The following ANKRD16 variants were observed in gnomAD, a reference collection of about 807,000 sequenced individuals.
ANKRD16 encodes ankyrin repeat domain 16.
A neutral mutation model predicts 37.9 loss-of-function variants in ANKRD16; 35 were observed. That is an observed-to-expected ratio of 0.92 (90% CI 0.71 to 1.23). The LOEUF is 1.23. Among genes scored for constraint, ANKRD16 ranks in the 50% most tolerant of loss-of-function variants. The pLI is 0.00. For synonymous variants in ANKRD16, 206 were observed against 197.2 expected (o/e 1.04, Z -0.37); for missense variants, 480 against 469.9 (o/e 1.02, Z -0.20).
chr10:5,864,345 A>C lies in ANKRD16; in HGVS notation c.*34-1654T>G, dbSNP rs1841985671. Among the ~76,000 whole-genome samples, 1 of 151,288 alleles carries C rather than the reference A, an allele frequency of 6.6e-6. No individual in the cohort carries two copies. The highest frequency in any genetic ancestry group is 2.4e-5 in the African/African-American group (1 of 41,048). ...TCCAAGGGACCACAACCTCCCCCCC[A>C]CCCCTGCTATCGGTTATGTCCTTTT... is the stretch of plus-strand genomic sequence containing the variant. On this transcript the variant is annotated intron_variant, in intron 7 of 7. Transcript: ENST00000380094. This position sits in a 1 kb window ranked among gnomAD's most constrained non-coding sequence, Gnocchi z 4.4.
At chr10:5,877,966 T>A in intron 7 of ANKRD16, 131 bp downstream of exon 7, 1 of 972,998 alleles carries the variant, frequency 1.0e-6, no homozygotes, top group Non-Finnish European at 1.5e-6. Flanking sequence ...AGCCCCCTGA[T>A]CACTGGGAAC....
chr10:5,888,453 T>C (rs549604208), intron 1 of ANKRD16, among the ~76,000 whole-genome samples: 29 of 152,332 alleles, frequency 1.9e-4, no homozygotes, highest in Admixed American at 1.9e-3. Context: ...CTAAAGATGT[T>C]CACGCCCTCT....
intron 7 of ANKRD16, among the ~76,000 whole-genome samples, chr10:5,872,596 G>C (rs577251948): frequency 2.0e-5 from 3 of 151,418 alleles, no homozygotes; most frequent in Admixed American, 6.6e-5. Flanking sequence ...TCACTCTGTT[G>C]CCCAGGCTGG....
chr10:5,862,270 T>C lies in ANKRD16; in HGVS notation c.*455A>G. The C allele has an allele frequency of 1.1e-5, 4 of 367,490 alleles. No homozygotes were observed. The highest frequency in any genetic ancestry group is 6.3e-5 in the South Asian group (3 of 47,816). 22.8% of individuals were successfully genotyped at this position (367,490 alleles called of 1,614,324 possible). On this transcript the variant is annotated 3_prime_UTR_variant, in exon 8 of 8. Coordinates refer to ENST00000380094, the MANE Select transcript of ANKRD16 (RefSeq NM_019046.3). The surrounding 1 kb of genome is among the most constrained non-coding windows in gnomAD (Gnocchi z 6.5). ...GACTGCTGCTGCATCTGTTAGGCAA[T>C]GTTGACAATCTCATCAGAAGTGGTG... is the stretch of plus-strand genomic sequence containing the variant.
rs183765907 is a variant in ANKRD16, at chr10:5,889,460, C to T, written c.-106G>A. The T allele has an allele frequency of 2.5e-3, 2,053 of 836,444 alleles. 1 individual carries two copies. The highest frequency in any genetic ancestry group is 2.9e-3 in the Non-Finnish European group (1,933 of 657,800). 51.8% of individuals were successfully genotyped at this position (836,444 alleles called of 1,614,324 possible). A position where few individuals can be genotyped will look rare whatever the true frequency, so the allele number is the denominator to read the frequency against. ...GGGACTTTCCGCCTCTTCACGCAAC[C>T]TGCCCCGCGCGCCCCGAACCCGGCA... On this transcript the variant is annotated 5_prime_UTR_variant, in exon 1 of 8. Transcript: ENST00000380094.
At chr10:5,872,118 G>A (rs1462088331) in intron 7 of ANKRD16, among the ~76,000 whole-genome samples, 2 of 152,142 alleles carry the variant, frequency 1.3e-5, no homozygotes, top group African/African-American at 4.8e-5. Flanking sequence ...TAATACGATG[G>A]AGCATAAGAC....
Position 5,863,457 on chromosome 10 carries a change from C to T in ANKRD16, c.*34-766G>A, listed in dbSNP as rs757323720. ...CACTCTGTAAAAATGTACCAATCAG[C>T]GCTCTGTGTCTAGCTAAAGGATTGT... On this transcript the variant is annotated intron_variant, in intron 7 of 7. Transcript: ENST00000380094. This position sits in a 1 kb window ranked among gnomAD's most constrained non-coding sequence, Gnocchi z 4.7. Among the ~76,000 whole-genome samples the T allele has an allele frequency of 6.6e-6, 1 of 152,008 alleles. No individual in the cohort carries two copies. Among genetic ancestry groups the T allele is most frequent in the South Asian group, 2.1e-4 (1 of 4,820 alleles).
rs1193725861 is a variant in ANKRD16 at position 5,866,834 on chromosome 10, A to G, written c.*34-4143T>C. ...ACAAAGGAGTCAAAGAGGGAGACAG[A>G]GAGAGGAAGAGACAGAGAGGCTGAA... On this transcript the variant is annotated intron_variant, in intron 7 of 7. Transcript: ENST00000380094. This position sits in a 1 kb window ranked among gnomAD's most constrained non-coding sequence, Gnocchi z 4.3. Among the ~76,000 whole-genome samples, 1 of 152,112 alleles carries G rather than the reference A, an allele frequency of 6.6e-6. No homozygotes were observed. Among genetic ancestry groups the G allele is most frequent in the Non-Finnish European group, 1.5e-5 (1 of 68,026 alleles).
chr10:5,881,438 T>TTATAAAAAAAA (rs1422263395), intron 5 of ANKRD16, among the ~76,000 whole-genome samples: 1 of 51,026 alleles, frequency 2.0e-5, no homozygotes, highest in African/African-American at 7.4e-5. Context: ...AAAATATTAT[T>TTATAAAAAAAA]TATATATATA....
chr10:5,885,391 C>T (rs1589025685), intron 3 of ANKRD16, among the ~76,000 whole-genome samples: 2 of 152,072 alleles, frequency 1.3e-5, no homozygotes. Flanking sequence ...GCTGTGTTAG[C>T]CAGGATGGTC....
chr10:5,884,642 G>C (rs1456562046), intron 3 of ANKRD16, among the ~76,000 whole-genome samples: 3 of 149,536 alleles, frequency 2.0e-5, no homozygotes, highest in African/African-American at 7.4e-5. Context: ...TGAGGCAGGA[G>C]AATCGCTTGA....
At chr10:5,889,016 G>T in intron 1 of ANKRD16, 25 bp downstream of exon 1, 1 of 1,492,532 alleles carries the variant, frequency 6.7e-7, no homozygotes, top group Non-Finnish European at 8.9e-7. Flanking sequence ...AGGGGAGGCG[G>T]GGTGTCTTTC....
chr10:5,889,455 G>T lies in ANKRD16; in HGVS notation c.-101C>A. The T allele has an allele frequency of 2.3e-6, 2 of 872,734 alleles. No individual in the cohort carries two copies. Among genetic ancestry groups the T allele is most frequent in the South Asian group, 5.6e-5 (1 of 17,792 alleles). 54.1% of individuals were successfully genotyped at this position (872,734 alleles called of 1,614,324 possible). On this transcript the variant is annotated 5_prime_UTR_variant, in exon 1 of 8. Coordinates refer to ENST00000380094, the MANE Select transcript of ANKRD16 (RefSeq NM_019046.3). ...CGAGTGGGACTTTCCGCCTCTTCAC[G>T]CAACCTGCCCCGCGCGCCCCGAACC...
Position 5,878,032 on chromosome 10 carries a change from GA to G in ANKRD16, c.*33+64del. 2 of 1,500,764 alleles carry G rather than the reference GA, an allele frequency of 1.3e-6. No individual in the cohort carries two copies. The highest frequency in any genetic ancestry group is 9.0e-7 in the Non-Finnish European group (1 of 1,110,030). 93.0% of individuals were successfully genotyped at this position (1,500,764 alleles called of 1,614,324 possible). ...GGGAAGGGAGGAAGTGGAGGAGATG[GA>G]AAACTGGCTTCCAACTGGTTTCGCT... On this transcript the variant is annotated intron_variant, in intron 7 of 7. Coordinates refer to ENST00000380094, the MANE Select transcript of ANKRD16 (RefSeq NM_019046.3). The surrounding 1 kb of genome is among the most constrained non-coding windows in gnomAD (Gnocchi z 5.1).
chr10:5,866,251 A>C lies in ANKRD16; in HGVS notation c.*34-3560T>G, dbSNP rs1010667897. Among the ~76,000 whole-genome samples, 4 of 152,194 alleles carry C rather than the reference A, an allele frequency of 2.6e-5. No homozygotes were observed. Among genetic ancestry groups the C allele is most frequent in the Non-Finnish European group, 5.9e-5 (4 of 68,034 alleles). ...CTCCCAGAGGATGGGGAACCGATCG[A>C]GCATGACTGCCAACAAGTTATAGTC... On this transcript the variant is annotated intron_variant, in intron 7 of 7. Transcript: ENST00000380094. This position sits in a 1 kb window ranked among gnomAD's most constrained non-coding sequence, Gnocchi z 4.3.
rs1156608468 is a variant in ANKRD16, at chr10:5,869,115, G to A, written c.*34-6424C>T. Among the ~76,000 whole-genome samples, 1 of 152,066 alleles carries A rather than the reference G, an allele frequency of 6.6e-6. No homozygotes were observed. The highest frequency in any genetic ancestry group is 2.4e-5 in the African/African-American group (1 of 41,386). ...AGCTCATCAGCTATCTTTAGTGATA[G>A]TGTAGTTTATGTGTGGCCCAAGACA... On this transcript the variant is annotated intron_variant, in intron 7 of 7. Transcript: ENST00000380094. The surrounding 1 kb of genome is among the most constrained non-coding windows in gnomAD (Gnocchi z 4.0).
intron 7 of ANKRD16, among the ~76,000 whole-genome samples, chr10:5,875,097 C>T (rs1052202881): frequency 1.3e-5 from 2 of 152,168 alleles, no homozygotes; most frequent in South Asian, 2.1e-4. Flanking sequence ...GCAGCAACAA[C>T]GACGCCAGAC....
chr10:5,862,510 G>C lies in ANKRD16; in HGVS notation c.*215C>G, dbSNP rs1841957839. Reference sequence around the variant, plus strand: ...GACAGACCCAGGGAGCTGACCTTGGGGGCCAGTGCAGATGTGGCACTGACT... The same window carrying C: ...GACAGACCCAGGGAGCTGACCTTGGCGGCCAGTGCAGATGTGGCACTGACT... On this transcript the variant is annotated 3_prime_UTR_variant, in exon 8 of 8. Transcript: ENST00000380094. This position sits in a 1 kb window ranked among gnomAD's most constrained non-coding sequence, Gnocchi z 6.5. 1 of 929,932 alleles carries C rather than the reference G, an allele frequency of 1.1e-6. No individual in the cohort carries two copies. The allele number at this position is 929,932 out of a possible 1,614,324, so 57.6% of individuals were successfully genotyped here. A position where few individuals can be genotyped will look rare whatever the true frequency, so the allele number is the denominator to read the frequency against.
At chr10:5,879,468 C>CAA (rs770354448) in intron 6 of ANKRD16, among the ~76,000 whole-genome samples, 3 of 127,132 alleles carry the variant, frequency 2.4e-5, no homozygotes, top group Non-Finnish European at 3.4e-5. Flanking sequence ...ACTTTGTCTC[C>CAA]AAAAAAAAAA....
Sources: allele counts gnomAD v4.1 joint callset (sites outside exome capture counted in the v4.1 genomes callset), GRCh38; gene constraint gnomAD v4.1.1; non-coding constraint Gnocchi (gnomAD v3.1); transcripts MANE v1.5; gene names NCBI Gene and HGNC (gene_info 2026-07-23, HGNC 2026-07-21).